TRUB1: variants seen among roughly 807,000 people sequenced by gnomAD.
TRUB1 encodes TruB pseudouridine synthase family member 1.
TRUB1 carries 23 observed loss-of-function variants against 33.9 expected under a neutral mutation model. The observed-to-expected ratio is 0.68, with a 90% CI of 0.49 to 0.96. The LOEUF is 0.96. Among genes scored for constraint, TRUB1 ranks in the 40% least tolerant of loss-of-function variants. TRUB1 has a pLI of 0.00. For missense variants in TRUB1, 378 were observed against 422.2 expected (o/e 0.90, Z 0.92); for synonymous variants, 163 against 165.4 (o/e 0.99, Z 0.11).
chr10:114,975,319 C>T lies in TRUB1; in HGVS notation c.990C>T (p.Ser330=), dbSNP rs377553612. ...CTGAGTCTAATGAACAGGTTTTGAG[C>T]TGTGAATATATAACTCTAAATGAGC... ...SKPESNEQVL[S]CEYITLNEPK... Residue 330 remains serine, a synonymous_variant, in exon 8 of 8, where the codon AGC becomes AGT. Coordinates refer to ENST00000298746, the MANE Select transcript of TRUB1 (RefSeq NM_139169.5). 13 of 1,612,876 alleles carry T rather than the reference C, an allele frequency of 8.1e-6. No individual in the cohort carries two copies. The African/African-American group carries it at 1.7e-4, about 22-fold the overall frequency.
chr10:114,971,260 G>T (rs1371034969), intron 5 of TRUB1, among the ~76,000 whole-genome samples: 4 of 152,158 alleles, frequency 2.6e-5, no homozygotes, highest in Admixed American at 2.0e-4. Flanking sequence ...TAGGATTTCA[G>T]CATATAAATT....
chr10:114,938,258 C>T lies in TRUB1; in HGVS notation c.5C>T (p.Ala2Val), dbSNP rs754035471. The part of the protein sequence containing the change: M[A>V]ASEAAVVSSP... The stretch of plus-strand genomic sequence containing the variant: ...ACAGGTCTGGGCTACAAAAGTATGG[C>T]CGCTTCTGAGGCGGCGGTGGTGTCT... The change falls in exon 1 of 8, where the codon GCC becomes GTC. Residue 2 changes from alanine to valine, a missense_variant. By Grantham distance (64) the Ala-to-Val change is moderately conservative. Transcript: ENST00000298746. 3.7e-6 allele frequency: 6 copies of T among 1,613,920 alleles called. No individual in the cohort carries two copies. Among genetic ancestry groups the T allele is most frequent in the African/African-American group, 1.3e-5 (1 of 74,924 alleles).
chr10:114,940,584 C>A (rs867040218), intron 1 of TRUB1, among the ~76,000 whole-genome samples: 13 of 152,232 alleles, frequency 8.5e-5, no homozygotes, highest in Middle Eastern at 3.4e-3. Flanking sequence ...CCTAAGTGTA[C>A]CAGAATTTTA....
chr10:114,968,710 A>G (rs2143025803), intron 4 of TRUB1, among the ~76,000 whole-genome samples: 1 of 152,246 alleles, frequency 6.6e-6, no homozygotes, highest in African/African-American at 2.4e-5. Context: ...AGTCTAGTAG[A>G]TTCTAGTCTT....
chr10:114,964,460 G>C (rs1313528547), intron 4 of TRUB1, among the ~76,000 whole-genome samples: 1 of 152,100 alleles, frequency 6.6e-6, no homozygotes. Context: ...GTGTGTTGCA[G>C]ATATTTTCTC....
In TRUB1 at chr10:114,974,213, T is replaced by C. The variant is rs565650503; in HGVS notation, c.737-116T>C. 20 of 748,248 alleles carry C rather than the reference T, an allele frequency of 2.7e-5. No individual in the cohort carries two copies. In the South Asian group the frequency reaches 3.4e-4, roughly 13 times the overall value. 46.4% of individuals were successfully genotyped at this position (748,248 alleles called of 1,614,324 possible). The stretch of plus-strand genomic sequence containing the variant: ...AATTTATGTTTTAGTGCATAAATAT[T>C]TTATCACTCAATTGTTTGCATAGTG... On this transcript the variant is annotated intron_variant, in intron 6 of 7. Transcript: ENST00000298746.
At chr10:114,942,815 A>G in intron 2 of TRUB1, 72 bp downstream of exon 2, 1 of 980,514 alleles carries the variant, frequency 1.0e-6, no homozygotes, top group South Asian at 1.4e-5. Context: ...TTGAGAACAG[A>G]TAGATTGACT....
intron 2 of TRUB1, among the ~76,000 whole-genome samples, chr10:114,947,760 T>C (rs2084217324): frequency 6.6e-6 from 1 of 152,270 alleles, no homozygotes; most frequent in South Asian, 2.1e-4. Flanking sequence ...TTATTAACCA[T>C]TTCCCTATTT....
At chr10:114,949,365 A>G (rs1309312414) in intron 2 of TRUB1, among the ~76,000 whole-genome samples, 1 of 152,174 alleles carries the variant, frequency 6.6e-6, no homozygotes, top group African/African-American at 2.4e-5. Context: ...TCATTTGAAG[A>G]GTATTATGCT....
chr10:114,959,956 G>T (rs890097078), intron 4 of TRUB1, 149 bp downstream of exon 4: 2 of 585,392 alleles, frequency 3.4e-6, no homozygotes, highest in South Asian at 2.4e-5. Flanking sequence ...ATTGTTTATC[G>T]CATTGTTGCT....
intron 6 of TRUB1, 38 bp from the exon 7 acceptor site, chr10:114,974,291 G>A (rs773578368): frequency 6.6e-7 from 1 of 1,524,266 alleles, no homozygotes; most frequent in South Asian, 1.1e-5. Context: ...GATTTCATAG[G>A]AGGTTAGCAA....
At position 114,975,220 on chromosome 10, in the gene TRUB1, T is replaced by TGATG. The variant is rs771723151; in HGVS notation, c.892_895dup (p.Asp299GlyfsTer2). The TGATG allele has an allele frequency of 1.2e-6, 2 of 1,613,610 alleles. No individual in the cohort carries two copies. Among genetic ancestry groups the TGATG allele is most frequent in the African/African-American group, 2.7e-5 (2 of 74,908 alleles). The stretch of plus-strand genomic sequence containing the variant: ...CCCTTCCTGAAGACAAATGGACAAT[T>TGATG]GATGACATTGCACAGTCTCTTGAGC... On this transcript the variant is annotated frameshift_variant, in exon 8 of 8. Transcript: ENST00000298746. LOFTEE classifies it high-confidence loss of function.
intron 2 of TRUB1, among the ~76,000 whole-genome samples, chr10:114,950,250 G>C (rs1326741311): frequency 1.3e-5 from 2 of 152,200 alleles, no homozygotes; most frequent in Non-Finnish European, 2.9e-5. Context: ...AGCATTTAGA[G>C]TAGAATCTGA....
In TRUB1 at chr10:114,959,824, AT is replaced by A. The variant is rs759834167; in HGVS notation, c.523+18del. The A allele has an allele frequency of 1.4e-6, 2 of 1,465,986 alleles. No homozygotes were observed. The highest frequency in any genetic ancestry group is 1.9e-6 in the Non-Finnish European group (2 of 1,053,702). 90.8% of individuals were successfully genotyped at this position (1,465,986 alleles called of 1,614,324 possible). A position where few individuals can be genotyped will look rare whatever the true frequency, so the allele number is the denominator to read the frequency against. ...AACCTTACGGTATGAAGCTCATCTAATGTAGGCCTCTTTTCTAACATTTAGG... is the reference window on the plus strand; with the variant it reads ...AACCTTACGGTATGAAGCTCATCTAAGTAGGCCTCTTTTCTAACATTTAGG... On this transcript the variant is annotated intron_variant, in intron 4 of 7. Coordinates refer to ENST00000298746, the MANE Select transcript of TRUB1 (RefSeq NM_139169.5).
intron 3 of TRUB1, among the ~76,000 whole-genome samples, chr10:114,959,457 T>A (rs565172508): frequency 1.6e-4 from 25 of 152,336 alleles, no homozygotes; most frequent in African/African-American, 5.8e-4. Flanking sequence ...TTGCTTACAA[T>A]AATAATGGTC....
chr10:114,938,496 T>A lies in TRUB1; in HGVS notation c.243T>A (p.Thr81=). 1 of 1,570,538 alleles carries A rather than the reference T, an allele frequency of 6.4e-7. No individual in the cohort carries two copies. Among genetic ancestry groups the A allele is most frequent in the Non-Finnish European group, 8.6e-7 (1 of 1,161,670 alleles). The change falls in exon 1 of 8, where the codon ACT becomes ACA. Residue 81 remains threonine, a synonymous_variant. Coordinates refer to ENST00000298746, the MANE Select transcript of TRUB1 (RefSeq NM_139169.5). ...VFAVHKPKGP[T]SAELLNRLKE... is the part of the protein sequence containing the mutation. ...CCGTGCACAAGCCCAAAGGGCCCACTTCAGCCGAGCTGCTGAATCGGTTGA... is the reference window on the plus strand; with the variant it reads ...CCGTGCACAAGCCCAAAGGGCCCACATCAGCCGAGCTGCTGAATCGGTTGA...
chr10:114,955,489 C>A (rs2084258100), intron 3 of TRUB1, among the ~76,000 whole-genome samples: 1 of 152,186 alleles, frequency 6.6e-6, no homozygotes, highest in African/African-American at 2.4e-5. Flanking sequence ...CTCCATATCT[C>A]TGTGCAGGTA....
At chr10:114,958,839 A>G (rs1354615008) in intron 3 of TRUB1, among the ~76,000 whole-genome samples, 1 of 152,202 alleles carries the variant, frequency 6.6e-6, no homozygotes, top group Non-Finnish European at 1.5e-5. Flanking sequence ...CTTTATTAAG[A>G]AAACACATGG....
At chr10:114,953,620 T>C (rs866520880) in intron 3 of TRUB1, among the ~76,000 whole-genome samples, 17 of 152,214 alleles carry the variant, frequency 1.1e-4, no homozygotes, top group Middle Eastern at 3.4e-3. Flanking sequence ...AAGGAAAAAT[T>C]TTATCAAACA....
Sources: gnomAD v4.1 joint callset for allele counts (sites outside exome capture counted in the v4.1 genomes callset) on GRCh38, gnomAD v4.1.1 for gene constraint, MANE v1.5 for transcripts, NCBI Gene and HGNC (gene_info 2026-07-23, HGNC 2026-07-21) for gene names.